The following BEST3 variants were observed in gnomAD, a reference collection of about 807,000 sequenced individuals.
BEST3 encodes the protein bestrophin-3.
BEST3 carries 50 observed loss-of-function variants against 47.1 expected under a neutral mutation model. That is an observed-to-expected ratio of 1.06 (90% CI 0.85 to 1.34). The LOEUF (loss-of-function observed/expected upper bound fraction) is 1.34. BEST3 is among the 40% of genes most tolerant of loss of function. The probability of loss-of-function intolerance (pLI) is 0.00; values close to 1 mark genes in which losing one functional copy is unlikely to be tolerated. For synonymous variants in BEST3, 282 were observed against 298.8 expected (o/e 0.94, Z 0.58); for missense variants, 765 against 817.0 (o/e 0.94, Z 0.78).
intron 9 of BEST3, among the ~76,000 whole-genome samples, chr12:69,646,923 T>G (rs1883055552): frequency 1.4e-5 from 2 of 142,736 alleles, no homozygotes; most frequent in South Asian, 5.3e-4. Flanking sequence ...TCCAGAAAGT[T>G]TTGTTCCTTG....
At chr12:69,661,002 A>G (rs1883839341) in intron 9 of BEST3, 1 of 152,208 alleles carries the variant, frequency 6.6e-6, no homozygotes, top group Non-Finnish European at 1.5e-5. Context: ...ACTTTAAAAG[A>G]TGCTTGGGCT....
intron 9 of BEST3, chr12:69,670,315 TAGC>T: frequency 1.6e-6 from 1 of 630,036 alleles, no homozygotes; most frequent in Non-Finnish European, 2.9e-6. Context: ...CTTAGAAGGC[TAGC>T]TAGAAGCAGA....
intron 9 of BEST3, among the ~76,000 whole-genome samples, chr12:69,666,517 C>A (rs1440061410): frequency 6.6e-6 from 1 of 152,166 alleles, no homozygotes; most frequent in African/African-American, 2.4e-5. Context: ...TACCTTTGGC[C>A]TCTTGGCAGG....
chr12:69,679,844 G>C (rs960552714), intron 4 of BEST3, among the ~76,000 whole-genome samples: 1 of 152,170 alleles, frequency 6.6e-6, no homozygotes, highest in Non-Finnish European at 1.5e-5. Flanking sequence ...CCAGGCTATA[G>C]AGCGAGACTG....
intron 4 of BEST3, among the ~76,000 whole-genome samples, chr12:69,690,617 T>A (rs1404952150): frequency 6.6e-6 from 1 of 152,224 alleles, no homozygotes; most frequent in Non-Finnish European, 1.5e-5. Context: ...ATCTGATTCC[T>A]GTCAGAATGC....
At chr12:69,645,978 C>T (rs1440308768) in intron 9 of BEST3, among the ~76,000 whole-genome samples, 1 of 152,124 alleles carries the variant, frequency 6.6e-6, no homozygotes, top group African/African-American at 2.4e-5. Flanking sequence ...GCTCTGTCAC[C>T]CAGGCTGGAG....
In BEST3 at chr12:69,671,423, C is replaced by T. The variant is rs375515319; in HGVS notation, c.1100+5G>A. 11 of 1,607,726 alleles carry T rather than the reference C, an allele frequency of 6.8e-6. No individual in the cohort carries two copies. Among genetic ancestry groups the T allele is most frequent in the Non-Finnish European group, 9.3e-6 (11 of 1,176,818 alleles). Reference sequence around the variant, plus strand: ...ATATTAGAGATTTTTTAAAAATGCACTTACCCCATCTGGACTGTTGACCCC... The same window carrying T: ...ATATTAGAGATTTTTTAAAAATGCATTTACCCCATCTGGACTGTTGACCCC... On this transcript the variant is annotated splice_donor_5th_base_variant and intron_variant, in intron 9 of 9. Transcript: ENST00000330891.
chr12:69,656,513 G>A (rs1325265185), intron 9 of BEST3, among the ~76,000 whole-genome samples: 3 of 151,880 alleles, frequency 2.0e-5, no homozygotes, highest in Admixed American at 6.6e-5. Context: ...ACGAGCGTGC[G>A]ATGCCCAGCT....
At position 69,674,844 on chromosome 12, in the gene BEST3, T is replaced by A. The variant is rs115154762; in HGVS notation, c.868-1879A>T. Among the ~76,000 whole-genome samples, 1,054 of 151,714 alleles carry A rather than the reference T, an allele frequency of 6.9e-3. 10 individuals are homozygous for A. The highest frequency in any genetic ancestry group is 0.031 in the Middle Eastern group (9 of 290). On this transcript the variant is annotated intron_variant, in intron 7 of 9. Coordinates refer to ENST00000330891, the MANE Select transcript of BEST3 (RefSeq NM_032735.3). ...TTTATAAATATCCTAATTGTTGAGA[T>A]AGAACAGCTGTTTAGAAATGGAGGC... is the stretch of plus-strand genomic sequence containing the variant.
chr12:69,655,821 A>T lies in BEST3; in HGVS notation c.1101-8T>A, dbSNP rs1883454300. 1 of 1,596,132 alleles carries T rather than the reference A, an allele frequency of 6.3e-7. No homozygotes were observed. The highest frequency in any genetic ancestry group is 8.6e-7 in the Non-Finnish European group (1 of 1,168,678). Reference sequence around the variant, plus strand: ...AAGTCGGACCCAGACAGCCTGAAACACACAATGACAAGATCCAGGCAGAGT... The same window carrying T: ...AAGTCGGACCCAGACAGCCTGAAACTCACAATGACAAGATCCAGGCAGAGT... On this transcript the variant is annotated splice_region_variant and splice_polypyrimidine_tract_variant and intron_variant, in intron 9 of 9. Coordinates refer to ENST00000330891, the MANE Select transcript of BEST3 (RefSeq NM_032735.3).
intron 4 of BEST3, 62 bp from the exon 5 acceptor site, chr12:69,678,955 T>A: frequency 7.6e-7 from 1 of 1,316,224 alleles, no homozygotes; most frequent in Non-Finnish European, 1.1e-6. Flanking sequence ...TACGTTACCA[T>A]ATTTCAGCAT....
chr12:69,680,326 T>TTTTTTTTTTTTTTTTTTTTC (rs1555207061), intron 4 of BEST3, among the ~76,000 whole-genome samples: 1 of 144,914 alleles, frequency 6.9e-6, no homozygotes, highest in Non-Finnish European at 1.5e-5. Context: ...TTTTTTTTTT[T>TTTTTTTTTTTTTTTTTTTTC]TAGATGGAGT....
rs139569723 is a variant in BEST3, at chr12:69,693,668, T to C, written c.481+6A>G. ...AGCCCATGGAAGGAAAAGCCATTCA[T>C]AGTACCTGCTTCAACCACGTGGTCC... is the stretch of plus-strand genomic sequence containing the variant. On this transcript the variant is annotated splice_donor_region_variant and intron_variant, in intron 4 of 9. Coordinates refer to ENST00000330891, the MANE Select transcript of BEST3 (RefSeq NM_032735.3). 324 of 1,597,584 alleles carry C rather than the reference T, an allele frequency of 2.0e-4. 3 individuals carry two copies. In the African/African-American group the frequency reaches 3.7e-3, roughly 18 times the overall value.
At chr12:69,662,429 T>C (rs190541480) in intron 9 of BEST3, among the ~76,000 whole-genome samples, 1 of 152,300 alleles carries the variant, frequency 6.6e-6, no homozygotes, top group African/African-American at 2.4e-5. Context: ...TTTAATAAAG[T>C]CTTCACTTAC....
intron 5 of BEST3, 122 bp from the exon 6 acceptor site, chr12:69,677,379 T>A: frequency 1.2e-6 from 1 of 841,528 alleles, no homozygotes; most frequent in East Asian, 2.7e-5. Flanking sequence ...GTAAACTGAT[T>A]CCCAAGGATA....
At chr12:69,651,661 GCTACTCGGGAGACTGA>G (rs1337446250), downstream of BEST3, among the ~76,000 whole-genome samples, 9 of 151,822 alleles carry the variant, frequency 5.9e-5, no homozygotes, top group African/African-American at 2.2e-4. Flanking sequence ...TGTAATCCAA[GCTACTCGGGAGACTGA>G]GGCAGGAGAA....
At chr12:69,698,900 G>A (rs1261902125) in intron 1 of BEST3, among the ~76,000 whole-genome samples, 1 of 152,148 alleles carries the variant, frequency 6.6e-6, no homozygotes, top group African/African-American at 2.4e-5. Flanking sequence ...GGGCCTTTTG[G>A]CACAAGTAAG....
downstream of BEST3, among the ~76,000 whole-genome samples, chr12:69,648,751 C>T (rs1290927891): frequency 1.3e-5 from 2 of 152,192 alleles, no homozygotes; most frequent in Admixed American, 1.3e-4. Context: ...TGATGTTATT[C>T]TCCTGGAAGT....
At chr12:69,698,652 T>C (rs1275372705) in intron 1 of BEST3, among the ~76,000 whole-genome samples, 2 of 152,244 alleles carry the variant, frequency 1.3e-5, no homozygotes, top group Non-Finnish European at 1.5e-5. Context: ...AGCTTTTAGA[T>C]AGAATTGTAC....
Sources: gnomAD v4.1 joint callset for allele counts (sites outside exome capture counted in the v4.1 genomes callset) on GRCh38, gnomAD v4.1.1 for gene constraint, MANE v1.5 for transcripts, NCBI Gene and HGNC (gene_info 2026-07-23, HGNC 2026-07-21) for gene names.